KCNJ3: variants seen among roughly 807,000 people sequenced by gnomAD.
KCNJ3 encodes the protein G protein-activated inward rectifier potassium channel 1.
In KCNJ3, 4 loss-of-function variants were observed where a neutral mutation model predicts 39.2. The observed-to-expected ratio is 0.10, with a 90% CI of 0.05 to 0.23. The LOEUF is 0.23. KCNJ3 is among the 10% of genes least tolerant of loss of function. KCNJ3 has a pLI of 1.00. For synonymous variants in KCNJ3, 230 were observed against 237.4 expected (o/e 0.97, Z 0.29); for missense variants, 276 against 634.9 (o/e 0.43, Z 6.08).
intron 2 of KCNJ3, among the ~76,000 whole-genome samples, chr2:154,824,269 A>T (rs1035312205): frequency 2.0e-5 from 3 of 152,154 alleles, no homozygotes; most frequent in African/African-American, 7.2e-5. Flanking sequence ...CTGGGAGGTC[A>T]TGGGTGCAGT....
rs545505580 is a variant in KCNJ3 at position 154,809,471 on chromosome 2, G to T, written c.920-45256G>T. ...AATCAGGTTAATTACCAAATTGAGA[G>T]GTAAAGTGAATTGTCTATAAAAGCA... On this transcript the variant is annotated intron_variant, in intron 2 of 2. Transcript: ENST00000295101. Among the ~76,000 whole-genome samples, 19 of 152,264 alleles carry T rather than the reference G, an allele frequency of 1.2e-4. 1 individual carries two copies. In the South Asian group the frequency reaches 3.1e-3, roughly 25 times the overall value.
rs185838580 is a variant in KCNJ3, at chr2:154,835,323, C to T, written c.920-19404C>T. 3.7e-3 allele frequency among the ~76,000 whole-genome samples: 546 copies of T among 145,926 alleles called. 2 individuals are homozygous for T. The highest frequency in any genetic ancestry group is 7.1e-3 in the Middle Eastern group (2 of 282). ...TAAAATGTTACTTAAAATAACTTTA[C>T]GACAATAAATTATTTTCTTTTTTTT... On this transcript the variant is annotated intron_variant, in intron 2 of 2. Coordinates refer to ENST00000295101, the MANE Select transcript of KCNJ3 (RefSeq NM_002239.4).
intron 2 of KCNJ3, among the ~76,000 whole-genome samples, chr2:154,748,524 A>G (rs773276319): frequency 5.9e-5 from 9 of 152,074 alleles, no homozygotes; most frequent in Non-Finnish European, 1.3e-4. Flanking sequence ...GCAATTCTAC[A>G]TGACATTTCT....
At chr2:154,723,570 T>C (rs1291696285) in intron 2 of KCNJ3, among the ~76,000 whole-genome samples, 2 of 152,164 alleles carry the variant, frequency 1.3e-5, no homozygotes, top group Non-Finnish European at 2.9e-5. Flanking sequence ...ATGTGTAAAA[T>C]AAGTAACAAT....
chr2:154,857,006 C>CAAAT lies in KCNJ3; in HGVS notation c.*1694_*1697dup, dbSNP rs1405590064. On this transcript the variant is annotated 3_prime_UTR_variant, in exon 3 of 3. Coordinates refer to ENST00000295101, the MANE Select transcript of KCNJ3 (RefSeq NM_002239.4). ...AATTTTGTGATAATTTTATTATTGG[C>CAAAT]AAATTAATACATCAACACTTAAATC... 4 of 152,016 alleles carry CAAAT rather than the reference C, an allele frequency of 2.6e-5. No homozygotes were observed. The highest frequency in any genetic ancestry group is 5.9e-5 in the Non-Finnish European group (4 of 67,998). 9.4% of individuals were successfully genotyped at this position (152,016 alleles called of 1,614,324 possible).
intron 2 of KCNJ3, among the ~76,000 whole-genome samples, chr2:154,790,010 G>C (rs1686598427): frequency 6.6e-6 from 1 of 152,068 alleles, no homozygotes; most frequent in Admixed American, 6.6e-5. Context: ...GTCTTATTAA[G>C]AGGCAGTTTC....
intron 2 of KCNJ3, among the ~76,000 whole-genome samples, chr2:154,837,951 A>G (rs933648352): frequency 2.6e-5 from 4 of 152,218 alleles, no homozygotes; most frequent in Admixed American, 2.6e-4. Flanking sequence ...GTAATTTAGC[A>G]TCTGGAAAGC....
chr2:154,816,124 A>T (rs1015936822), intron 2 of KCNJ3, among the ~76,000 whole-genome samples: 6 of 152,242 alleles, frequency 3.9e-5, no homozygotes, highest in Non-Finnish European at 8.8e-5. Context: ...TATAATGAAG[A>T]AAACCTTTAT....
intron 2 of KCNJ3, among the ~76,000 whole-genome samples, chr2:154,807,839 G>C (rs936138629): frequency 6.6e-6 from 1 of 152,040 alleles, no homozygotes; most frequent in Non-Finnish European, 1.5e-5. Flanking sequence ...GTTTCTTTGT[G>C]AGGAAGGCAC....
At chr2:154,806,772 A>AG (rs1280875331) in intron 2 of KCNJ3, among the ~76,000 whole-genome samples, 2 of 152,196 alleles carry the variant, frequency 1.3e-5, no homozygotes, top group African/African-American at 2.4e-5. Flanking sequence ...TGCCTTCCTC[A>AG]GGTTTCCAGA....
intron 2 of KCNJ3, among the ~76,000 whole-genome samples, chr2:154,737,525 T>A (rs1685568993): frequency 6.6e-6 from 1 of 152,046 alleles, no homozygotes; most frequent in Admixed American, 6.6e-5. Context: ...GAAAAATCAA[T>A]CCAGGACATT....
intron 2 of KCNJ3, among the ~76,000 whole-genome samples, chr2:154,804,678 A>T (rs938881197): frequency 4.6e-5 from 7 of 152,154 alleles, no homozygotes; most frequent in Non-Finnish European, 5.9e-5. Context: ...TATTATCTAC[A>T]TTGTATTGAC....
At chr2:154,706,823 G>A (rs905409926) in intron 1 of KCNJ3, among the ~76,000 whole-genome samples, 4 of 152,104 alleles carry the variant, frequency 2.6e-5, no homozygotes, top group Non-Finnish European at 5.9e-5. Flanking sequence ...GTTCGCTGTA[G>A]TCAGAAGCTC....
At chr2:154,774,332 A>G (rs1686293933) in intron 2 of KCNJ3, among the ~76,000 whole-genome samples, 1 of 152,180 alleles carries the variant, frequency 6.6e-6, no homozygotes. Flanking sequence ...GACTAGTTTT[A>G]CAGCACTTGG....
chr2:154,716,007 T>C (rs1238377082), intron 2 of KCNJ3, among the ~76,000 whole-genome samples: 1 of 152,164 alleles, frequency 6.6e-6, no homozygotes, highest in African/African-American at 2.4e-5. Flanking sequence ...ATCTGCTGGT[T>C]TGTAATACAT....
chr2:154,842,142 C>A (rs1055742478), intron 2 of KCNJ3, among the ~76,000 whole-genome samples: 1 of 152,130 alleles, frequency 6.6e-6, no homozygotes, highest in East Asian at 1.9e-4. Flanking sequence ...TACATTGTGT[C>A]TTTGTTCTCA....
chr2:154,821,888 G>C (rs541898500), intron 2 of KCNJ3, among the ~76,000 whole-genome samples: 1 of 151,594 alleles, frequency 6.6e-6, no homozygotes, highest in Non-Finnish European at 1.5e-5. Context: ...TAATCCATTC[G>C]CCTTGGCCTC....
chr2:154,743,017 T>G (rs1278105532), intron 2 of KCNJ3, among the ~76,000 whole-genome samples: 1 of 151,880 alleles, frequency 6.6e-6, no homozygotes, highest in Non-Finnish European at 1.5e-5. Context: ...CATATAGGTC[T>G]TTGATTCATT....
At chr2:154,760,721 T>A (rs1327133792) in intron 2 of KCNJ3, among the ~76,000 whole-genome samples, 4 of 145,208 alleles carry the variant, frequency 2.8e-5, no homozygotes, top group African/African-American at 1.1e-4. Flanking sequence ...CCTGGCTATT[T>A]TTTTCTTTTT....
Sources: allele counts gnomAD v4.1 joint callset (sites outside exome capture counted in the v4.1 genomes callset), GRCh38; gene constraint gnomAD v4.1.1; transcripts MANE v1.5; gene names NCBI Gene and HGNC (gene_info 2026-07-23, HGNC 2026-07-21).